The following SYT10 variants were observed in gnomAD, a reference collection of about 807,000 sequenced individuals.
SYT10 encodes synaptotagmin-10.
A neutral mutation model predicts 51.1 loss-of-function variants in SYT10; 31 were observed. The observed-to-expected ratio is 0.61, with a 90% CI of 0.46 to 0.82. The LOEUF is 0.82. SYT10 is among the 40% of genes least tolerant of loss of function. The pLI, the probability that SYT10 is intolerant of heterozygous loss-of-function variation, is 0.00. For missense variants in SYT10, 603 were observed against 634.0 expected (o/e 0.95, Z 0.53); for synonymous variants, 233 against 225.9 (o/e 1.03, Z -0.28).
Position 33,376,909 on chromosome 12 carries a change from A to G in SYT10, c.1501-8T>C. 6.2e-7 allele frequency: 1 copy of G among 1,614,072 alleles called. No homozygotes were observed. The highest frequency in any genetic ancestry group is 8.5e-7 in the Non-Finnish European group (1 of 1,179,974). ...GGTCGCCCGGCCAGGTAACTGAAAGACAAAAATTTCATAATGTATGATCTA... is the reference window on the plus strand; with the variant it reads ...GGTCGCCCGGCCAGGTAACTGAAAGGCAAAAATTTCATAATGTATGATCTA... On this transcript the variant is annotated splice_polypyrimidine_tract_variant and splice_region_variant and intron_variant, in intron 6 of 6. Coordinates refer to ENST00000228567, the MANE Select transcript of SYT10 (RefSeq NM_198992.4).
intron 4 of SYT10, among the ~76,000 whole-genome samples, chr12:33,383,945 C>T (rs552653489): frequency 3.3e-5 from 5 of 152,266 alleles, no homozygotes; most frequent in Admixed American, 6.5e-5. Flanking sequence ...AAACAATTTG[C>T]AGAGTACACT....
intron 4 of SYT10, among the ~76,000 whole-genome samples, chr12:33,384,925 A>G (rs1254403883): frequency 6.6e-6 from 1 of 152,228 alleles, no homozygotes; most frequent in African/African-American, 2.4e-5. Context: ...ACAGTACTAA[A>G]TTGGTAGTGG....
rs143671439 is a variant in SYT10 at position 33,433,664 on chromosome 12, A to G, written c.151+5708T>C. The stretch of plus-strand genomic sequence containing the variant: ...GTACACATGTGTGCATAGTCAAGTA[A>G]GAAAAATGAAAAACACTGCTTGTTA... On this transcript the variant is annotated intron_variant, in intron 1 of 6. Coordinates refer to ENST00000228567, the MANE Select transcript of SYT10 (RefSeq NM_198992.4). 1.3e-3 allele frequency among the ~76,000 whole-genome samples: 205 copies of G among 152,358 alleles called. 1 individual carries two copies. Among genetic ancestry groups the G allele is most frequent in the African/African-American group, 4.8e-3 (199 of 41,596 alleles).
At chr12:33,418,386 TTGA>T (rs1344401465) in intron 2 of SYT10, among the ~76,000 whole-genome samples, 3 of 152,156 alleles carry the variant, frequency 2.0e-5, no homozygotes, top group African/African-American at 7.2e-5. Flanking sequence ...TCTCAACTAT[TTGA>T]TGATATCATC....
chr12:33,432,121 A>T (rs576808919), intron 1 of SYT10, among the ~76,000 whole-genome samples: 1 of 152,188 alleles, frequency 6.6e-6, no homozygotes, highest in East Asian at 1.9e-4. Flanking sequence ...GTGATATAAG[A>T]TTTCTTTAAA....
chr12:33,423,929 G>A (rs532096452), intron 2 of SYT10: 2 of 455,810 alleles, frequency 4.4e-6, no homozygotes, highest in African/African-American at 4.0e-5. Flanking sequence ...GTTGGTGAAG[G>A]ATTATCAGGA....
At chr12:33,426,096 A>G (rs752046010) in intron 2 of SYT10, 42 bp downstream of exon 2, 32 of 1,503,734 alleles carry the variant, frequency 2.1e-5, no homozygotes, top group African/African-American at 4.3e-5. Flanking sequence ...ACACACACAC[A>G]CACGCACACA....
At chr12:33,387,383 G>A (rs1364259880) in intron 3 of SYT10, among the ~76,000 whole-genome samples, 2 of 152,160 alleles carry the variant, frequency 1.3e-5, no homozygotes, top group African/African-American at 4.8e-5. Flanking sequence ...AGGGTTGTAA[G>A]CATTAAAGGA....
In SYT10 at chr12:33,379,719, AT is replaced by A. The variant is rs369730151; in HGVS notation, c.1500+112del. 971 of 1,371,004 alleles carry A rather than the reference AT, an allele frequency of 7.1e-4. 1 individual carries two copies. The highest frequency in any genetic ancestry group is 1.8e-3 in the African/African-American group (122 of 68,152). The allele number at this position is 1,371,004 out of a possible 1,614,324, so 84.9% of individuals were successfully genotyped here. A position where few individuals can be genotyped will look rare whatever the true frequency, so the allele number is the denominator to read the frequency against. ...GACAAAAGCAAGAACAATCTTTTCT[AT>A]TTTTTTTAACAAGGGTGAATACATA... On this transcript the variant is annotated intron_variant, in intron 6 of 6. Coordinates refer to ENST00000228567, the MANE Select transcript of SYT10 (RefSeq NM_198992.4).
chr12:33,437,284 G>A (rs1234569995), intron 1 of SYT10, among the ~76,000 whole-genome samples: 1 of 152,142 alleles, frequency 6.6e-6, no homozygotes, highest in Non-Finnish European at 1.5e-5. Flanking sequence ...TATATATTAT[G>A]TAGTCTATTT....
At chr12:33,401,905 T>A (rs1866310385) in intron 3 of SYT10, among the ~76,000 whole-genome samples, 1 of 152,236 alleles carries the variant, frequency 6.6e-6, no homozygotes, top group South Asian at 2.1e-4. Flanking sequence ...ATATACAAGA[T>A]GATTTCTGCT....
chr12:33,421,518 A>AG (rs1206510827), intron 2 of SYT10, among the ~76,000 whole-genome samples: 1 of 152,166 alleles, frequency 6.6e-6, no homozygotes, highest in Non-Finnish European at 1.5e-5. Flanking sequence ...ATAGGAACAC[A>AG]GTGTTATCTC....
At chr12:33,390,464 T>C (rs1228540863) in intron 3 of SYT10, among the ~76,000 whole-genome samples, 1 of 152,190 alleles carries the variant, frequency 6.6e-6, no homozygotes, top group East Asian at 1.9e-4. Flanking sequence ...CCCAACTATT[T>C]GACATGACAC....
At chr12:33,387,865 A>G (rs1866170738) in intron 3 of SYT10, among the ~76,000 whole-genome samples, 1 of 149,498 alleles carries the variant, frequency 6.7e-6, no homozygotes, top group Non-Finnish European at 1.5e-5. Context: ...TCCTCCCACC[A>G]CAGCCTAGCT....
At chr12:33,404,796 C>A (rs1408709928) in intron 3 of SYT10, 1 of 152,064 alleles carries the variant, frequency 6.6e-6, no homozygotes, top group African/African-American at 2.4e-5. Context: ...AGATTTCTAA[C>A]CAAACTGTAA....
intron 2 of SYT10, 74 bp downstream of exon 2, chr12:33,426,062 TCA>T (rs3046353): frequency 0.13 from 151,792 of 1,152,522 alleles, 682 homozygotes; most frequent in Non-Finnish European, 0.14. Context: ...TTATGAAATT[TCA>T]CACACACACA....
Position 33,439,770 on chromosome 12 carries a change from G to T in SYT10, c.-248C>A. 1 of 500,924 alleles carries T rather than the reference G, an allele frequency of 2.0e-6. No homozygotes were observed. 31.0% of individuals were successfully genotyped at this position (500,924 alleles called of 1,614,324 possible). ...CCGCGAGGTTTGCGCCAACTCTCCCGCCGCGCGAGCGAGCCGAGGCGCGCT... is the reference window on the plus strand; with the variant it reads ...CCGCGAGGTTTGCGCCAACTCTCCCTCCGCGCGAGCGAGCCGAGGCGCGCT... On this transcript the variant is annotated 5_prime_UTR_variant, in exon 1 of 7. Transcript: ENST00000228567.
intron 3 of SYT10, among the ~76,000 whole-genome samples, chr12:33,390,483 C>T (rs1251462652): frequency 2.6e-5 from 4 of 152,006 alleles, no homozygotes; most frequent in Non-Finnish European, 5.9e-5. Flanking sequence ...ACATGTGGCC[C>T]CTACTAATCT....
Position 33,426,383 on chromosome 12 carries a change from AG to A in SYT10, c.263del (p.Pro88LeufsTer2), listed in dbSNP as rs1440045517. ...GAAGCGTAGTGATGTTGGAAGTCAC[AG>A]GTTTGCTTTTCCAGCATGGCCAACA... ...KLCWPCWKSK[P>X]VTSNITTLPQ... On this transcript the variant is annotated frameshift_variant, in exon 2 of 7. Transcript: ENST00000228567. LOFTEE classifies it high-confidence loss of function. 1.9e-6 allele frequency: 3 copies of A among 1,614,004 alleles called. No individual in the cohort carries two copies. The highest frequency in any genetic ancestry group is 2.5e-6 in the Non-Finnish European group (3 of 1,179,990).
Sources: allele counts gnomAD v4.1 joint callset (sites outside exome capture counted in the v4.1 genomes callset), GRCh38; gene constraint gnomAD v4.1.1; transcripts MANE v1.5; gene names NCBI Gene and HGNC (gene_info 2026-07-23, HGNC 2026-07-21).